OPCML: variants seen among roughly 807,000 people sequenced by gnomAD.
OPCML encodes opioid-binding protein/cell adhesion molecule.
OPCML carries 13 observed loss-of-function variants against 37.8 expected under a neutral mutation model. The ratio of observed to expected loss-of-function variants is 0.34; its 90% confidence interval spans 0.22 to 0.55. The LOEUF is 0.55. Ranked by LOEUF, OPCML falls within the 20% of genes least tolerant of loss-of-function variation. OPCML has a pLI of 0.91. For missense variants in OPCML, 341 were observed against 435.6 expected (o/e 0.78, Z 1.93); for synonymous variants, 176 against 168.8 (o/e 1.04, Z -0.33).
chr11:133,499,821 C>CAT (rs1158342436), intron 1 of OPCML, among the ~76,000 whole-genome samples: 15 of 132,516 alleles, frequency 1.1e-4, no homozygotes, highest in East Asian at 2.1e-4. Context: ...TATATATATA[C>CAT]ACACATATAT....
At chr11:133,150,160 C>G (rs1949957563) in intron 1 of OPCML, among the ~76,000 whole-genome samples, 1 of 152,230 alleles carries the variant, frequency 6.6e-6, no homozygotes, top group Non-Finnish European at 1.5e-5. Context: ...TCTTTATTCT[C>G]CACAAATGAG....
At chr11:133,291,148 G>A (rs1008880619) in intron 1 of OPCML, among the ~76,000 whole-genome samples, 4 of 152,222 alleles carry the variant, frequency 2.6e-5, no homozygotes, top group Non-Finnish European at 4.4e-5. Flanking sequence ...ACAAAAACCT[G>A]GGTTCTAATT....
At chr11:133,060,949 A>G (rs942468214) in intron 1 of OPCML, among the ~76,000 whole-genome samples, 35 of 152,366 alleles carry the variant, frequency 2.3e-4, no homozygotes, top group African/African-American at 7.9e-4. Flanking sequence ...AACTTTTGCT[A>G]TAGTTGAATT....
intron 1 of OPCML, among the ~76,000 whole-genome samples, chr11:133,437,996 C>G (rs1484487062): frequency 6.6e-6 from 1 of 151,342 alleles, no homozygotes; most frequent in Non-Finnish European, 1.5e-5. Flanking sequence ...AAGGAAAATC[C>G]CATAAAATAA....
intron 2 of OPCML, among the ~76,000 whole-genome samples, chr11:132,809,921 C>T (rs1939234482): frequency 1.3e-5 from 2 of 152,192 alleles, no homozygotes; most frequent in South Asian, 2.1e-4. Context: ...GCGATCTCGG[C>T]TCACTGCAGG....
At chr11:132,659,448 A>T (rs1428314909) in intron 2 of OPCML, among the ~76,000 whole-genome samples, 1 of 152,168 alleles carries the variant, frequency 6.6e-6, no homozygotes, top group African/African-American at 2.4e-5. Context: ...AAATCAGCAC[A>T]CCTGGAATTA....
chr11:132,980,589 G>C (rs1421993552), intron 1 of OPCML, among the ~76,000 whole-genome samples: 1 of 152,168 alleles, frequency 6.6e-6, no homozygotes, highest in East Asian at 1.9e-4. Context: ...CACTTGAAGT[G>C]CCTTTAGCAA....
chr11:132,816,864 A>C (rs1337638754), intron 2 of OPCML, among the ~76,000 whole-genome samples: 2 of 152,214 alleles, frequency 1.3e-5, no homozygotes, highest in Admixed American at 1.3e-4. Flanking sequence ...ATAAACAAGA[A>C]GAGCTTCAGT....
intron 1 of OPCML, among the ~76,000 whole-genome samples, chr11:133,417,606 G>A (rs1031806262): frequency 6.6e-6 from 1 of 151,714 alleles, no homozygotes; most frequent in Non-Finnish European, 1.5e-5. Context: ...TTAGCATTAG[G>A]TATATCTCCT....
chr11:133,231,486 C>T lies in OPCML; in HGVS notation c.62-288476G>A, dbSNP rs79059082. Among the ~76,000 whole-genome samples, 136 of 152,248 alleles carry T rather than the reference C, an allele frequency of 8.9e-4. 1 individual carries two copies. The highest frequency in any genetic ancestry group is 3.2e-3 in the African/African-American group (132 of 41,550). On this transcript the variant is annotated intron_variant, in intron 1 of 7. Coordinates refer to ENST00000524381, the MANE Select transcript of OPCML (RefSeq NM_001012393.5). ...AAGATGTCACGTCTTGTTGGAAAAA[C>T]ATTTCATTGTAATTTTAGGGCAGAG...
At chr11:132,533,351 G>C (rs185009198) in intron 3 of OPCML, among the ~76,000 whole-genome samples, 137 of 152,230 alleles carry the variant, frequency 9.0e-4, no homozygotes, top group South Asian at 3.5e-3. Context: ...GCAGAAGAAA[G>C]ATCAATATAG....
At chr11:133,257,923 A>C (rs575248409) in intron 1 of OPCML, among the ~76,000 whole-genome samples, 2 of 152,094 alleles carry the variant, frequency 1.3e-5, no homozygotes, top group East Asian at 3.9e-4. Context: ...AGAAAATACA[A>C]AGTCAAGACC....
intron 3 of OPCML, among the ~76,000 whole-genome samples, chr11:132,570,463 G>T (rs1300014682): frequency 6.6e-6 from 1 of 151,886 alleles, no homozygotes; most frequent in Non-Finnish European, 1.5e-5. Context: ...AGGATATGCT[G>T]ATTTTCTTTA....
chr11:132,530,631 C>A (rs1385467983), intron 3 of OPCML, among the ~76,000 whole-genome samples: 1 of 151,888 alleles, frequency 6.6e-6, no homozygotes, highest in Non-Finnish European at 1.5e-5. Context: ...CACCGATGAA[C>A]CTCATCTCAG....
At chr11:133,384,080 TA>T (rs1786611805) in intron 1 of OPCML, among the ~76,000 whole-genome samples, 1 of 151,822 alleles carries the variant, frequency 6.6e-6, no homozygotes, top group Non-Finnish European at 1.5e-5. Flanking sequence ...TCTTCAGTGG[TA>T]AAAACAGATA....
At chr11:133,247,908 C>A (rs1941001842) in intron 1 of OPCML, among the ~76,000 whole-genome samples, 1 of 152,140 alleles carries the variant, frequency 6.6e-6, no homozygotes, top group African/African-American at 2.4e-5. Context: ...CGCACCCAGC[C>A]TCAAGGTTTA....
intron 4 of OPCML, among the ~76,000 whole-genome samples, chr11:132,479,709 C>A (rs959290223): frequency 2.0e-5 from 3 of 152,156 alleles, no homozygotes; most frequent in Non-Finnish European, 4.4e-5. Context: ...TCAAGTGGGT[C>A]CCTGACCCCT....
chr11:133,232,660 T>A (rs960492957), intron 1 of OPCML, among the ~76,000 whole-genome samples: 4 of 152,236 alleles, frequency 2.6e-5, no homozygotes, highest in African/African-American at 9.6e-5. Flanking sequence ...CACAGGCTGG[T>A]GGTGAGAAGA....
At chr11:133,114,610 A>G (rs950264847) in intron 1 of OPCML, among the ~76,000 whole-genome samples, 7 of 152,144 alleles carry the variant, frequency 4.6e-5, no homozygotes, top group Non-Finnish European at 8.8e-5. Flanking sequence ...AGTAAAATAC[A>G]TGGCCTAACT....
Sources: gnomAD v4.1 joint callset for allele counts (sites outside exome capture counted in the v4.1 genomes callset) on GRCh38, gnomAD v4.1.1 for gene constraint, MANE v1.5 for transcripts, NCBI Gene and HGNC (gene_info 2026-07-23, HGNC 2026-07-21) for gene names.